The following MAPK9 variants were observed in gnomAD, a reference collection of about 807,000 sequenced individuals.
MAPK9 encodes the protein Jun kinase.
A neutral mutation model predicts 57.1 loss-of-function variants in MAPK9; 30 were observed. The ratio of observed to expected loss-of-function variants is 0.53; its 90% CI spans 0.39 to 0.71. MAPK9 has a LOEUF of 0.71. MAPK9 is among the 30% of genes least tolerant of loss of function. The pLI, the probability that MAPK9 is intolerant of heterozygous loss-of-function variation, is 0.00. For missense variants in MAPK9, 362 were observed against 521.0 expected, an observed-to-expected ratio of 0.69 and a Z score of 2.97; for synonymous variants, 155 against 177.0, an observed-to-expected ratio of 0.88 and a Z score of 0.99.
intron 2 of MAPK9, among the ~76,000 whole-genome samples, chr5:180,271,728 T>G (rs1389087009): frequency 1.3e-5 from 2 of 152,196 alleles, no homozygotes; most frequent in Admixed American, 1.3e-4. Context: ...TTACATTTCA[T>G]TTTCTAAAGA....
intron 8 of MAPK9, among the ~76,000 whole-genome samples, chr5:180,241,872 C>T (rs1029759451): frequency 1.3e-5 from 2 of 152,158 alleles, no homozygotes; most frequent in African/African-American, 2.4e-5. Context: ...TAAGTCACAT[C>T]GAAATGAAAT....
chr5:180,264,816 A>T lies in MAPK9; in HGVS notation c.276T>A (p.Phe92Leu). ...HKNIISLLNV[F>L]TPQKTLEEFQ... ...ATTCTTCTAGAGTTTTTTGTGGTGT[A>T]AACACATTTAACAAACTAATTATCT... Residue 92 changes from phenylalanine to leucine, a missense_variant, in exon 4 of 12, where the codon TTT becomes TTA. Physicochemically the swap from Phe to Leu is conservative, Grantham distance 22. Coordinates refer to ENST00000452135, the MANE Select transcript of MAPK9 (RefSeq NM_002752.5). The T allele has an allele frequency of 6.4e-7, 1 of 1,559,456 alleles. No individual in the cohort carries two copies.
intron 10 of MAPK9, 33 bp from the exon 11 acceptor site, chr5:180,238,436 C>A: frequency 1.4e-6 from 2 of 1,460,266 alleles, no homozygotes; most frequent in South Asian, 2.3e-5. Flanking sequence ...AATGCTTAAT[C>A]AGTTTCTAAA....
chr5:180,273,753 A>G (rs1218729264), intron 2 of MAPK9, among the ~76,000 whole-genome samples: 1 of 152,076 alleles, frequency 6.6e-6, no homozygotes, highest in Non-Finnish European at 1.5e-5. Flanking sequence ...GCCTTTCCTC[A>G]TTGCTCCACA....
At chr5:180,282,150 G>A (rs1054004637) in intron 1 of MAPK9, among the ~76,000 whole-genome samples, 6 of 152,120 alleles carry the variant, frequency 3.9e-5, no homozygotes, top group African/African-American at 1.4e-4. Flanking sequence ...GGTCTTTGGG[G>A]CACTGTGAGC....
rs371894510 is a variant in MAPK9, at chr5:180,283,734, G to C, written c.-47-3126C>G. The stretch of plus-strand genomic sequence containing the variant: ...GGGAATCACTTGAGGTCAGGAGTTT[G>C]AGAACAGCCTGGCCAACATGGTGAA... On this transcript the variant is annotated intron_variant, in intron 1 of 11. Transcript: ENST00000452135. Among the ~76,000 whole-genome samples the C allele has an allele frequency of 3.9e-5, 6 of 152,210 alleles. No homozygotes were observed. The East Asian group carries it at 7.7e-4, about 20-fold the overall frequency.
At chr5:180,241,203 C>G in intron 8 of MAPK9, 48 bp from the exon 9 acceptor site, 1 of 1,532,572 alleles carries the variant, frequency 6.5e-7, no homozygotes, top group Non-Finnish European at 8.9e-7. Flanking sequence ...ATGAAACAAA[C>G]AGAATCATAC....
At chr5:180,238,838 G>C (rs545470468) in intron 10 of MAPK9, among the ~76,000 whole-genome samples, 1 of 152,186 alleles carries the variant, frequency 6.6e-6, no homozygotes, top group East Asian at 1.9e-4. Context: ...TGAATTCCTG[G>C]CCTCAAGCCA....
At chr5:180,290,498 T>C (rs61255050) in intron 1 of MAPK9, among the ~76,000 whole-genome samples, 1,989 of 152,342 alleles carry the variant, frequency 0.013, 54 homozygotes, top group African/African-American at 0.045. Flanking sequence ...ACCCCGTTGC[T>C]ATCTGCCTTG....
At chr5:180,255,188 G>A (rs34521759) in intron 5 of MAPK9, among the ~76,000 whole-genome samples, 12 of 152,292 alleles carry the variant, frequency 7.9e-5, no homozygotes, top group Admixed American at 7.8e-4. Context: ...TGAGAGGGCA[G>A]AATAAAGAGT....
intron 2 of MAPK9, among the ~76,000 whole-genome samples, chr5:180,273,431 T>C (rs1761537395): frequency 6.6e-6 from 1 of 152,160 alleles, no homozygotes; most frequent in Admixed American, 6.5e-5. Flanking sequence ...CTCATTATGT[T>C]GGCCAGGCTG....
chr5:180,259,264 G>A (rs529968636), intron 5 of MAPK9, among the ~76,000 whole-genome samples: 1,659 of 151,238 alleles, frequency 0.011, 28 homozygotes, highest in African/African-American at 0.038. Flanking sequence ...AAACATGAAA[G>A]AACTCACACT....
chr5:180,252,837 G>A (rs1232234285), intron 5 of MAPK9, among the ~76,000 whole-genome samples: 2 of 152,150 alleles, frequency 1.3e-5, no homozygotes, highest in African/African-American at 2.4e-5. Context: ...AAAGGGTAGG[G>A]AAAGAGCCAG....
chr5:180,242,870 A>G, intron 7 of MAPK9, 115 bp from the exon 8 acceptor site: 1 of 719,198 alleles, frequency 1.4e-6, no homozygotes, highest in South Asian at 2.7e-5. Context: ...CTGGATCAGC[A>G]GCGGAATTTT....
chr5:180,259,752 T>C (rs182227696), intron 5 of MAPK9, among the ~76,000 whole-genome samples: 2 of 152,314 alleles, frequency 1.3e-5, no homozygotes. Context: ...TGCAATGTGG[T>C]GAAGTCTTCA....
chr5:180,265,072 C>T (rs1222922748), intron 3 of MAPK9, among the ~76,000 whole-genome samples: 1 of 152,122 alleles, frequency 6.6e-6, no homozygotes, highest in Admixed American at 6.6e-5. Flanking sequence ...TTAATTATTA[C>T]AGAATTTAAA....
intron 2 of MAPK9, among the ~76,000 whole-genome samples, chr5:180,270,990 A>T (rs1369387835): frequency 6.6e-6 from 1 of 152,184 alleles, no homozygotes; most frequent in East Asian, 1.9e-4. Flanking sequence ...ACTGTGAGAT[A>T]TGGTGACTGC....
intron 5 of MAPK9, 152 bp downstream of exon 5, chr5:180,261,532 T>TC (rs2127595606): frequency 3.8e-6 from 3 of 783,640 alleles, no homozygotes; most frequent in Non-Finnish European, 5.8e-6. Context: ...CACAGATGCC[T>TC]CCTAGAATGA....
In MAPK9 at chr5:180,280,501, T is replaced by C. The variant is rs1448021701; in HGVS notation, c.61A>G (p.Thr21Ala). 3.1e-6 allele frequency: 5 copies of C among 1,614,094 alleles called. No homozygotes were observed. In the African/African-American group the frequency reaches 4.0e-5, roughly 13 times the overall value. Reference sequence around the variant, plus strand: ...AGCTGCTGGTAACGTTTTAGGACAGTGAAGGTTGAGTCTGCCACTTGCACA... The same window carrying C: ...AGCTGCTGGTAACGTTTTAGGACAGCGAAGGTTGAGTCTGCCACTTGCACA... Reference protein sequence around the residue: ...YSVQVADSTFTVLKRYQQLKP... With the variant: ...YSVQVADSTFAVLKRYQQLKP... The change falls in exon 2 of 12, where the codon ACT becomes GCT. Residue 21 changes from threonine to alanine, a missense_variant. Coordinates refer to ENST00000452135, the MANE Select transcript of MAPK9 (RefSeq NM_002752.5).
Sources: allele counts gnomAD v4.1 joint callset (sites outside exome capture counted in the v4.1 genomes callset), GRCh38; gene constraint gnomAD v4.1.1; transcripts MANE v1.5; gene names NCBI Gene and HGNC (gene_info 2026-07-23, HGNC 2026-07-21).